CDKAL1: variants seen among roughly 807,000 people sequenced by gnomAD.
The protein encoded by CDKAL1 is threonylcarbamoyladenosine tRNA methylthiotransferase.
A neutral mutation model predicts 68.2 loss-of-function variants in CDKAL1; 32 were observed. That is an observed-to-expected ratio of 0.47 (90% CI 0.35 to 0.63). The LOEUF is 0.63. CDKAL1 is among the 30% of genes least tolerant of loss of function. The probability of loss-of-function intolerance (pLI) is 0.00; values close to 1 mark genes in which losing one functional copy is unlikely to be tolerated. For missense variants in CDKAL1, 606 were observed against 696.7 expected (o/e 0.87, Z 1.47); for synonymous variants, 234 against 244.3 (o/e 0.96, Z 0.39).
intron 8 of CDKAL1, among the ~76,000 whole-genome samples, chr6:20,831,535 A>G (rs558596084): frequency 1.6e-4 from 25 of 152,274 alleles, no homozygotes; most frequent in African/African-American, 5.3e-4. Flanking sequence ...TGGTTTCACC[A>G]GGATTCAGAA....
intron 11 of CDKAL1, among the ~76,000 whole-genome samples, chr6:21,045,212 C>T (rs2150902196): frequency 6.6e-6 from 1 of 152,268 alleles, no homozygotes; most frequent in Non-Finnish European, 1.5e-5. Context: ...TGGTCATTAG[C>T]TAGATCGGAA....
At chr6:20,833,681 A>G (rs1777814660) in intron 8 of CDKAL1, among the ~76,000 whole-genome samples, 1 of 152,256 alleles carries the variant, frequency 6.6e-6, no homozygotes, top group Non-Finnish European at 1.5e-5. Flanking sequence ...TTCATAATCC[A>G]GGAATGGTAA....
At chr6:20,924,889 G>A (rs1318121922) in intron 9 of CDKAL1, among the ~76,000 whole-genome samples, 5 of 152,158 alleles carry the variant, frequency 3.3e-5, no homozygotes, top group African/African-American at 9.7e-5. Context: ...ATGCCATCTC[G>A]GACTTTTGTT....
intron 12 of CDKAL1, among the ~76,000 whole-genome samples, chr6:21,085,391 T>C (rs139286305): frequency 1.4e-4 from 22 of 152,284 alleles, no homozygotes; most frequent in African/African-American, 5.3e-4. Context: ...TCCTGGGTGC[T>C]CCTTACTCAA....
chr6:20,781,438 C>G (rs528471213), intron 8 of CDKAL1, among the ~76,000 whole-genome samples, 173 bp downstream of exon 8: 2 of 152,254 alleles, frequency 1.3e-5, no homozygotes, highest in African/African-American at 4.8e-5. Flanking sequence ...GTAAACTACA[C>G]TTATATTTGC....
chr6:20,920,359 T>C (rs974277432), intron 9 of CDKAL1, among the ~76,000 whole-genome samples: 1 of 152,096 alleles, frequency 6.6e-6, no homozygotes, highest in Non-Finnish European at 1.5e-5. Flanking sequence ...GAGCCCACCA[T>C]AGGAAAAAGT....
chr6:20,739,612 TG>T lies in CDKAL1; in HGVS notation c.468+1del. 2 of 1,594,556 alleles carry T rather than the reference TG, an allele frequency of 1.3e-6. No individual in the cohort carries two copies. The highest frequency in any genetic ancestry group is 2.2e-5 in the East Asian group (1 of 44,756). ...QDYLKGLSIIGVQQIDRVVEV... is the reference protein window; with the variant it reads ...QDYLKGLSIIXVQQIDRVVEV... ...ACTACCTTAAGGGACTGAGTATCAT[TG>T]GGGTAAGCTTGTACCTGATGCAAAA... On this transcript the variant is annotated frameshift_variant and splice_region_variant, in exon 6 of 16. Transcript: ENST00000274695. LOFTEE classifies it high-confidence loss of function.
At chr6:21,111,706 T>C (rs1248096907) in intron 13 of CDKAL1, among the ~76,000 whole-genome samples, 1 of 152,248 alleles carries the variant, frequency 6.6e-6, no homozygotes, top group Non-Finnish European at 1.5e-5. Context: ...ATACTTTATT[T>C]CTTGCACTAA....
chr6:21,218,760 T>C (rs1779429527), intron 15 of CDKAL1, among the ~76,000 whole-genome samples: 1 of 152,194 alleles, frequency 6.6e-6, no homozygotes, highest in East Asian at 1.9e-4. Context: ...TACAGTACTT[T>C]GTAACCTAAT....
At chr6:20,577,140 G>T (rs1022439185) in intron 4 of CDKAL1, among the ~76,000 whole-genome samples, 3 of 152,268 alleles carry the variant, frequency 2.0e-5, no homozygotes, top group Admixed American at 2.0e-4. Flanking sequence ...CAAGCGATCG[G>T]TTGTGAGAGA....
chr6:20,845,470 A>C (rs1219419397), intron 8 of CDKAL1, among the ~76,000 whole-genome samples: 1 of 152,064 alleles, frequency 6.6e-6, no homozygotes, highest in African/African-American at 2.4e-5. Flanking sequence ...TAGTATTGCC[A>C]TTCTACTTTT....
At chr6:21,113,460 A>C (rs1311430991) in intron 13 of CDKAL1, among the ~76,000 whole-genome samples, 1 of 151,970 alleles carries the variant, frequency 6.6e-6, no homozygotes, top group Non-Finnish European at 1.5e-5. Flanking sequence ...CAGCCTGGGC[A>C]CATAGCAAGA....
chr6:20,585,643 C>T (rs771238386), intron 4 of CDKAL1, among the ~76,000 whole-genome samples: 1 of 152,208 alleles, frequency 6.6e-6, no homozygotes, highest in African/African-American at 2.4e-5. Flanking sequence ...CTCTTTCCTT[C>T]TGGAAATACT....
At chr6:21,228,746 T>TATCA (rs1269639406) in intron 15 of CDKAL1, among the ~76,000 whole-genome samples, 3 of 152,208 alleles carry the variant, frequency 2.0e-5, no homozygotes, top group East Asian at 3.8e-4. Flanking sequence ...ACATAGTTCC[T>TATCA]ATCAATCAAT....
chr6:20,597,604 A>G (rs1765889899), intron 4 of CDKAL1, among the ~76,000 whole-genome samples: 1 of 151,916 alleles, frequency 6.6e-6, no homozygotes, highest in South Asian at 2.1e-4. Flanking sequence ...CAGTAGAGAC[A>G]GGGTTTCACT....
chr6:20,949,095 C>G (rs976099192), intron 9 of CDKAL1, among the ~76,000 whole-genome samples: 2 of 152,130 alleles, frequency 1.3e-5, no homozygotes, highest in African/African-American at 4.8e-5. Context: ...TCTTTGTTAA[C>G]TCTCATTATT....
intron 13 of CDKAL1, among the ~76,000 whole-genome samples, chr6:21,139,493 G>A (rs529844997): frequency 6.6e-6 from 1 of 152,266 alleles, no homozygotes; most frequent in African/African-American, 2.4e-5. Context: ...TGCAAAATCA[G>A]TTTTACTGTG....
intron 8 of CDKAL1, among the ~76,000 whole-genome samples, chr6:20,818,297 G>A (rs1024601177): frequency 2.0e-5 from 3 of 152,040 alleles, no homozygotes; most frequent in Admixed American, 1.3e-4. Flanking sequence ...GTAATGTCAC[G>A]TGGCTCACAT....
intron 11 of CDKAL1, among the ~76,000 whole-genome samples, chr6:21,031,393 C>T (rs1250566240): frequency 6.6e-6 from 1 of 151,668 alleles, no homozygotes; most frequent in Non-Finnish European, 1.5e-5. Flanking sequence ...TCAGGCCCAT[C>T]AGGAAAAATC....
Sources: allele counts gnomAD v4.1 joint callset (sites outside exome capture counted in the v4.1 genomes callset), GRCh38; gene constraint gnomAD v4.1.1; transcripts MANE v1.5; gene names NCBI Gene and HGNC (gene_info 2026-07-23, HGNC 2026-07-21).